DSC1: variants seen among roughly 807,000 people sequenced by gnomAD.
DSC1 encodes the protein desmocollin 1.
A neutral mutation model predicts 98.8 loss-of-function variants in DSC1; 79 were observed. The observed-to-expected ratio is 0.80, with a 90% CI of 0.67 to 0.96. The LOEUF (loss-of-function observed/expected upper bound fraction) is 0.96, where lower values mean the gene tolerates loss of function less well. Among genes scored for constraint, DSC1 ranks in the 50% least tolerant of loss-of-function variants. The pLI, the probability that DSC1 is intolerant of heterozygous loss-of-function variation, is 0.00. For missense variants in DSC1, 1,115 were observed against 1,075.9 expected (o/e 1.04, Z -0.51); for synonymous variants, 405 against 372.1 (o/e 1.09, Z -1.02).
Position 31,157,645 on chromosome 18 carries a change from C to T in DSC1, c.149-72G>A. ...GGAACAAGTTTTACAGGAATGACAG[C>T]CGTGAGTTAATGCATGAGAAGCAGA... On this transcript the variant is annotated intron_variant, in intron 2 of 15. Transcript: ENST00000257198. 1.4e-5 allele frequency: 22 copies of T among 1,544,484 alleles called. 1 individual carries two copies. In the South Asian group the frequency reaches 2.5e-4, roughly 17 times the overall value.
rs530015083 is a variant in DSC1, at chr18:31,144,942, T to C, written c.939+669A>G. ...CCGTCTGTATTTTCTTTTTCTTTCTTTTTTTTTTTTTTTTTGAGACGGAGT... is the reference window on the plus strand; with the variant it reads ...CCGTCTGTATTTTCTTTTTCTTTCTCTTTTTTTTTTTTTTTGAGACGGAGT... On this transcript the variant is annotated intron_variant, in intron 7 of 15. Transcript: ENST00000257198. 6.1e-3 allele frequency among the ~76,000 whole-genome samples: 851 copies of C among 139,508 alleles called. 22 individuals are homozygous for C. Among genetic ancestry groups the C allele is most frequent in the Non-Finnish European group, 8.5e-3 (557 of 65,244 alleles). The allele number at this position is 139,508 out of a possible 152,430, so 91.5% of individuals were successfully genotyped here.
At chr18:31,131,350 T>A (rs1421690616) in intron 15 of DSC1, 1 of 517,446 alleles carries the variant, frequency 1.9e-6, no homozygotes, top group African/African-American at 1.9e-5. Flanking sequence ...GAACCTTTTA[T>A]CCTTTGTAAA....
At chr18:31,158,155 G>T (rs6506890) in intron 2 of DSC1, among the ~76,000 whole-genome samples, 84,886 of 151,716 alleles carry the variant, frequency 0.56, 24,019 homozygotes, top group East Asian at 0.66. Flanking sequence ...TAATTCCAGC[G>T]ACTCAGGAGG....
rs1016039022 is a variant in DSC1, at chr18:31,148,609, C to T, written c.661G>A (p.Ala221Thr). Reference protein sequence around the residue: ...YGYATTADGYAPEYPLPLIIK... With the variant: ...YGYATTADGYTPEYPLPLIIK... The stretch of plus-strand genomic sequence containing the variant: ...ATCAAAGGGAGTGGATATTCTGGTG[C>T]ATAGCCATCTGCAGTTGTTGCATAG... Residue 221 changes from alanine (A) to threonine (T), a missense_variant, in exon 6 of 16, where the codon GCA (alanine) becomes ACA (threonine). Physicochemically the swap from Ala to Thr is moderately conservative, Grantham distance 58. Transcript: ENST00000257198. 17 of 1,604,592 alleles carry T rather than the reference C, an allele frequency of 1.1e-5. No individual in the cohort carries two copies. Among genetic ancestry groups the T allele is most frequent in the Non-Finnish European group, 1.4e-5 (16 of 1,173,564 alleles).
At chr18:31,145,538 G>C (rs1988828287) in intron 7 of DSC1, 73 bp downstream of exon 7, 2 of 1,549,188 alleles carry the variant, frequency 1.3e-6, no homozygotes, top group Non-Finnish European at 8.8e-7. Context: ...TGGCCATATT[G>C]CAACTTCTCT....
chr18:31,151,419 T>A (rs146697046), intron 5 of DSC1, among the ~76,000 whole-genome samples: 1 of 152,266 alleles, frequency 6.6e-6, no homozygotes, highest in East Asian at 1.9e-4. Context: ...AGCAACAATT[T>A]CAAAAAACTC....
chr18:31,138,753 GGAAAA>G (rs1988666302), intron 11 of DSC1, among the ~76,000 whole-genome samples: 1 of 70,674 alleles, frequency 1.4e-5, no homozygotes, highest in Non-Finnish European at 4.7e-5. Context: ...AATAGACACA[GGAAAA>G]AAAAACCCAT....
At position 31,137,674 on chromosome 18, in the gene DSC1, A is replaced by C. The variant is rs1462715415; in HGVS notation, c.1663+2074T>G. ...CTACAGAAGCCACACCATATATGAT[A>C]ATTGTTATCCCCAGTTCAAAAGGTA... On this transcript the variant is annotated intron_variant, in intron 11 of 15. Transcript: ENST00000257198. Among the ~76,000 whole-genome samples, 5 of 135,548 alleles carry C rather than the reference A, an allele frequency of 3.7e-5. No homozygotes were observed. The South Asian group carries it at 1.1e-3, about 30-fold the overall frequency. The allele number at this position is 135,548 out of a possible 152,430, so 88.9% of individuals were successfully genotyped here.
chr18:31,147,391 G>C (rs1461031761), intron 6 of DSC1, among the ~76,000 whole-genome samples: 1 of 152,042 alleles, frequency 6.6e-6, no homozygotes, highest in African/African-American at 2.4e-5. Flanking sequence ...TGCACATTCA[G>C]ATCTGTTGTG....
chr18:31,142,659 G>A (rs1988761232), intron 8 of DSC1, among the ~76,000 whole-genome samples: 1 of 136,776 alleles, frequency 7.3e-6, no homozygotes. Flanking sequence ...CAAACCTTTA[G>A]CAGAAAAGTT....
At chr18:31,152,518 A>G (rs1989020573) in intron 5 of DSC1, among the ~76,000 whole-genome samples, 1 of 152,208 alleles carries the variant, frequency 6.6e-6, no homozygotes, top group African/African-American at 2.4e-5. Context: ...TCCCAGGTTT[A>G]AGGACAAAAT....
intron 13 of DSC1, among the ~76,000 whole-genome samples, chr18:31,133,690 C>A (rs1398892252): frequency 6.6e-6 from 1 of 151,962 alleles, no homozygotes; most frequent in Non-Finnish European, 1.5e-5. Flanking sequence ...ACTAAGGCTA[C>A]CACCTCTGAA....
In DSC1 at chr18:31,159,532, CA is replaced by C. The variant is rs35550730; in HGVS notation, c.64-4del. Reference sequence around the variant, plus strand: ...GCATCGCAAAGTAATGTTAAAACCTCAAAAAAAAAAAAAGAAAAAATATCAG... The same window carrying C: ...GCATCGCAAAGTAATGTTAAAACCTCAAAAAAAAAAAAGAAAAAATATCAG... On this transcript the variant is annotated splice_region_variant and splice_polypyrimidine_tract_variant and intron_variant, in intron 1 of 15. Coordinates refer to ENST00000257198, the MANE Select transcript of DSC1 (RefSeq NM_024421.2). 0.018 allele frequency: 24,681 copies of C among 1,370,818 alleles called. No homozygotes were observed. Among genetic ancestry groups the C allele is most frequent in the South Asian group, 0.041 (2,861 of 69,440 alleles). The allele number at this position is 1,370,818 out of a possible 1,614,324, so 84.9% of individuals were successfully genotyped here.
chr18:31,144,932 TTTTC>T (rs1197527122), intron 7 of DSC1, among the ~76,000 whole-genome samples: 2 of 89,120 alleles, frequency 2.2e-5, no homozygotes, highest in African/African-American at 1.0e-4. Flanking sequence ...TGTATTTTCT[TTTTC>T]TTTCTTTTTT....
chr18:31,161,010 A>C (rs1299982107), intron 1 of DSC1, among the ~76,000 whole-genome samples: 1 of 152,108 alleles, frequency 6.6e-6, no homozygotes, highest in Non-Finnish European at 1.5e-5. Flanking sequence ...AGTCTACTAC[A>C]CACCTGGGTT....
rs1454885730 is a variant in DSC1 at position 31,154,844 on chromosome 18, T to C, written c.557A>G (p.Tyr186Cys). Residue 186 changes from tyrosine to cysteine, a missense_variant, in exon 5 of 16, where the codon TAC (tyrosine) becomes TGC (cysteine). By Grantham distance (194) the Tyr-to-Cys change is radical. Transcript: ENST00000257198. ...GATATCCCCAGTGTCTTTCTCTATG[T>C]AAAACAAATTGAAGGGTTCTTTGTC... Reference protein sequence around the residue: ...GVDKEPFNLFYIEKDTGDIFC... With the variant: ...GVDKEPFNLFCIEKDTGDIFC... The C allele has an allele frequency of 1.9e-6, 3 of 1,613,998 alleles. No homozygotes were observed. The highest frequency in any genetic ancestry group is 2.5e-6 in the Non-Finnish European group (3 of 1,179,992).
At chr18:31,151,107 T>C (rs1018727753) in intron 5 of DSC1, among the ~76,000 whole-genome samples, 6 of 152,242 alleles carry the variant, frequency 3.9e-5, no homozygotes, top group Admixed American at 2.6e-4. Context: ...TTTGTCTTAG[T>C]TTTTCTCTTC....
rs115006761 is a variant in DSC1, at chr18:31,133,694, C to T, written c.2116+197G>A. 8.2e-3 allele frequency among the ~76,000 whole-genome samples: 1,251 copies of T among 152,122 alleles called. 26 individuals carry two copies. The highest frequency in any genetic ancestry group is 0.028 in the African/African-American group (1,183 of 41,520). ...ATTATTGAAGAACTAAGGCTACCAC[C>T]TCTGAAACTGACTTTAAATTTAATC... On this transcript the variant is annotated intron_variant, in intron 13 of 15. Transcript: ENST00000257198.
intron 6 of DSC1, 81 bp from the exon 7 acceptor site, chr18:31,145,858 G>T: frequency 1.4e-6 from 2 of 1,455,578 alleles, no homozygotes; most frequent in Non-Finnish European, 1.9e-6. Context: ...AGGCATTGCT[G>T]TAGCAAATTC....
Sources: allele counts gnomAD v4.1 joint callset (sites outside exome capture counted in the v4.1 genomes callset), GRCh38; gene constraint gnomAD v4.1.1; transcripts MANE v1.5; gene names NCBI Gene and HGNC (gene_info 2026-07-23, HGNC 2026-07-21).